The following ARAP2 variants were observed in gnomAD, a reference collection of about 807,000 sequenced individuals.
The protein encoded by ARAP2 is arf-GAP with Rho-GAP domain, ANK repeat and PH domain-containing protein 2.
Under a neutral mutation model 194.5 loss-of-function variants are expected in ARAP2, and 148 were observed. The observed-to-expected ratio is 0.76, with a 90% CI of 0.67 to 0.87. ARAP2 has a LOEUF of 0.87. Among genes scored for constraint, ARAP2 ranks in the 40% least tolerant of loss-of-function variants. The pLI is 0.00. For missense variants in ARAP2, 2,128 were observed against 1,989.7 expected, an observed-to-expected ratio of 1.07 and a Z score of -1.32; for synonymous variants, 695 against 683.5, an observed-to-expected ratio of 1.02 and a Z score of -0.26.
chr4:36,180,890 C>T (rs1352545379), intron 8 of ARAP2, among the ~76,000 whole-genome samples: 1 of 152,142 alleles, frequency 6.6e-6, no homozygotes, highest in Non-Finnish European at 1.5e-5. Context: ...CTGAATTAGC[C>T]ATGTCAATGG....
At chr4:36,117,033 C>T in intron 25 of ARAP2, 28 bp downstream of exon 25, 6 of 1,471,878 alleles carry the variant, frequency 4.1e-6, no homozygotes, top group Non-Finnish European at 3.7e-6. Flanking sequence ...TTCCAACAGT[C>T]CTCTTTACAT....
chr4:36,033,051 C>T (rs7658124), intron 5 of ARAP2, among the ~76,000 whole-genome samples: 111,951 of 152,086 alleles, frequency 0.74, 42,161 homozygotes, highest in Admixed American at 0.85. Context: ...ATATGCACCA[C>T]ATTTCCTTTA....
At chr4:36,031,860 G>T (rs1719028373) in intron 5 of ARAP2, among the ~76,000 whole-genome samples, 1 of 151,924 alleles carries the variant, frequency 6.6e-6, no homozygotes, top group Non-Finnish European at 1.5e-5. Flanking sequence ...GTAGAAACGG[G>T]GTTTCGCCAG....
At chr4:36,084,629 G>A (rs533785338) in intron 28 of ARAP2, among the ~76,000 whole-genome samples, 4 of 151,900 alleles carry the variant, frequency 2.6e-5, no homozygotes, top group African/African-American at 4.8e-5. Context: ...TACACCTCTC[G>A]CAATACTCAG....
At chr4:36,189,430 T>C (rs1741365746) in intron 7 of ARAP2, among the ~76,000 whole-genome samples, 1 of 152,160 alleles carries the variant, frequency 6.6e-6, no homozygotes, top group East Asian at 1.9e-4. Flanking sequence ...ATATCCTCCT[T>C]CTGGCTATTT....
chr4:36,031,076 G>A (rs1054857495), intron 5 of ARAP2, among the ~76,000 whole-genome samples: 8 of 152,194 alleles, frequency 5.3e-5, no homozygotes, highest in African/African-American at 1.9e-4. Context: ...GTTGCAGTGA[G>A]CCAAGATCGT....
At position 36,148,440 on chromosome 4, in the gene ARAP2, G is replaced by C. The variant is rs1304706184; in HGVS notation, c.2965C>G (p.Gln989Glu). The change falls in exon 17 of 33, where the codon CAA (glutamine) becomes GAA (glutamate). Residue 989 changes from glutamine to glutamate, a missense_variant. Transcript: ENST00000303965. ...RVFLFGAETS[Q>E]AQRKWTEAIA... ...GCCTCTGTCCATTTTCTTTGAGCTTGAGATGTTTCAGCTCCAAATAAAAAC... is the reference window on the plus strand; with the variant it reads ...GCCTCTGTCCATTTTCTTTGAGCTTCAGATGTTTCAGCTCCAAATAAAAAC... 6 of 1,613,026 alleles carry C rather than the reference G, an allele frequency of 3.7e-6. No homozygotes were observed. The highest frequency in any genetic ancestry group is 2.7e-5 in the African/African-American group (2 of 74,860).
intron 5 of ARAP2, among the ~76,000 whole-genome samples, chr4:36,040,997 T>C (rs1720770994): frequency 6.6e-6 from 1 of 152,148 alleles, no homozygotes; most frequent in African/African-American, 2.4e-5. Flanking sequence ...TTTTGAGGTA[T>C]GTTCCTTCAA....
At position 36,116,731 on chromosome 4, in the gene ARAP2, A is replaced by G. The variant is rs1235191927; in HGVS notation, c.4038+330T>C. On this transcript the variant is annotated intron_variant, in intron 25 of 32. Transcript: ENST00000303965. ...TGATGTAATACTGTGATTTTTCCTA[A>G]TTTTACAGGTGAGAAGACTGAGGCT... Among the ~76,000 whole-genome samples the G allele has an allele frequency of 4.0e-5, 6 of 151,746 alleles. No homozygotes were observed. The Admixed American group carries it at 4.0e-4, about 10-fold the overall frequency.
At chr4:36,185,546 A>G (rs775010420) in intron 8 of ARAP2, among the ~76,000 whole-genome samples, 5 of 152,006 alleles carry the variant, frequency 3.3e-5, no homozygotes, top group Non-Finnish European at 5.9e-5. Flanking sequence ...TATAATATTT[A>G]TTGACTGCTT....
chr4:36,007,901 T>G lies in ARAP2; in HGVS notation n.1326-855A>C, dbSNP rs183263219. Among the ~76,000 whole-genome samples, 1,412 of 152,192 alleles carry G rather than the reference T, an allele frequency of 9.3e-3. 10 individuals are homozygous for G. Among genetic ancestry groups the G allele is most frequent in the Middle Eastern group, 0.071 (21 of 294 alleles). On this transcript the variant is annotated intron_variant and non_coding_transcript_variant, in intron 9 of 12. Coordinates refer to the ARAP2 transcript ENST00000503225. ...AGTAGCAGTTCTATATTCCAATAAC[T>G]TTCAAGTTGAGAGCCAAATCAAGAA...
At chr4:36,038,225 C>A (rs751602774) in intron 5 of ARAP2, among the ~76,000 whole-genome samples, 1 of 152,122 alleles carries the variant, frequency 6.6e-6, no homozygotes, top group Non-Finnish European at 1.5e-5. Context: ...GCTTCCACAG[C>A]TTTGTTGTGA....
At chr4:36,182,754 A>C (rs760134329) in intron 8 of ARAP2, among the ~76,000 whole-genome samples, 16 of 152,294 alleles carry the variant, frequency 1.1e-4, no homozygotes, top group Middle Eastern at 3.4e-3. Flanking sequence ...AAAAGATTCA[A>C]GAATAACTGC....
In ARAP2 at chr4:36,164,999, G is replaced by A. The variant is rs1734941938; in HGVS notation, c.2088C>T (p.Ser696=). 1 of 1,614,060 alleles carries A rather than the reference G, an allele frequency of 6.2e-7. No individual in the cohort carries two copies. Among genetic ancestry groups the A allele is most frequent in the East Asian group, 2.2e-5 (1 of 44,876 alleles). ...EVAEKIWFNE[S]NRSCADCKAP... Reference sequence around the variant, plus strand: ...CTTTACAATCTGCACAGCTCCTGTTGGATTCATTGAACCAAATCTTCTCAG... The same window carrying A: ...CTTTACAATCTGCACAGCTCCTGTTAGATTCATTGAACCAAATCTTCTCAG... Residue 696 remains serine (S), a synonymous_variant, in exon 11 of 33, where the codon TCC becomes TCT. Transcript: ENST00000303965.
At chr4:36,015,488 C>T (rs756115154) in exon 8 of ARAP2, 2 of 152,190 alleles carry the variant, frequency 1.3e-5, no homozygotes, top group Non-Finnish European at 2.9e-5. Flanking sequence ...GACTGGGGCT[C>T]AGTGATCCAA....
At chr4:36,151,447 G>A (rs781159551) in intron 15 of ARAP2, among the ~76,000 whole-genome samples, 9 of 152,126 alleles carry the variant, frequency 5.9e-5, no homozygotes, top group Non-Finnish European at 1.2e-4. Flanking sequence ...GAATCTGCAC[G>A]GCCCTTAATG....
chr4:36,052,813 A>G (rs1295587057), intron 2 of ARAP2, among the ~76,000 whole-genome samples: 2 of 151,984 alleles, frequency 1.3e-5, no homozygotes, highest in Admixed American at 6.5e-5. Context: ...AAATACAAAA[A>G]CAAAATGAGC....
intron 15 of ARAP2, 82 bp from the exon 16 acceptor site, chr4:36,151,126 T>C (rs1730871215): frequency 4.2e-6 from 5 of 1,182,000 alleles, no homozygotes; most frequent in Admixed American, 5.1e-5. Context: ...TTCTAAATAA[T>C]GGCTGGATGC....
chr4:36,182,072 A>T (rs1405647908), intron 8 of ARAP2, among the ~76,000 whole-genome samples: 1 of 152,250 alleles, frequency 6.6e-6, no homozygotes, highest in Non-Finnish European at 1.5e-5. Context: ...TTCAAGGAAC[A>T]AAAGGCCCTG....
Sources: gnomAD v4.1 joint callset for allele counts (sites outside exome capture counted in the v4.1 genomes callset) on GRCh38, gnomAD v4.1.1 for gene constraint, MANE v1.5 for transcripts, NCBI Gene and HGNC (gene_info 2026-07-23, HGNC 2026-07-21) for gene names.